Variants in HSD17B4 observed in about 807,000 individuals in gnomAD.
HSD17B4 encodes peroxisomal multifunctional enzyme type 2.
HSD17B4 carries 70 observed loss-of-function variants against 101.0 expected under a neutral mutation model. The observed-to-expected ratio is 0.69, with a 90% confidence interval of 0.57 to 0.85. The LOEUF (loss-of-function observed/expected upper bound fraction) is 0.85, where lower values mean the gene tolerates loss of function less well. Among genes scored for constraint, HSD17B4 ranks in the 40% least tolerant of loss-of-function variants. HSD17B4 has a pLI of 0.00. For missense variants in HSD17B4, 984 were observed against 892.4 expected (o/e 1.10, Z -1.31); for synonymous variants, 347 against 297.1 (o/e 1.17, Z -1.73).
chr5:119,514,529 C>A (rs1186642896), intron 16 of HSD17B4, among the ~76,000 whole-genome samples: 1 of 152,086 alleles, frequency 6.6e-6, no homozygotes, highest in Non-Finnish European at 1.5e-5. Context: ...ATTAAGGGAT[C>A]ATAATAATTC....
chr5:119,527,056 C>T (rs1753665095), intron 19 of HSD17B4, 77 bp from the exon 20 acceptor site: 1 of 831,704 alleles, frequency 1.2e-6, no homozygotes, highest in Non-Finnish European at 2.1e-6. Context: ...TCTCTAGTTT[C>T]CTTTCCAATT....
chr5:119,476,320 C>A, intron 6 of HSD17B4: 1 of 155,300 alleles, frequency 6.4e-6, no homozygotes. Flanking sequence ...AATTTTGAAG[C>A]TTCTAGTAAA....
chr5:119,478,703 A>G (rs1045376697), intron 7 of HSD17B4, 131 bp from the exon 8 acceptor site: 2 of 652,068 alleles, frequency 3.1e-6, no homozygotes, highest in Non-Finnish European at 5.5e-6. Flanking sequence ...TACATAAATC[A>G]TGATCGTAAG....
chr5:119,471,249 TA>T (rs1756334958), intron 2 of HSD17B4, among the ~76,000 whole-genome samples: 1 of 152,198 alleles, frequency 6.6e-6, no homozygotes, highest in Non-Finnish European at 1.5e-5. Flanking sequence ...TTGAGAATCC[TA>T]ACACTTTTTC....
chr5:119,455,147 T>C (rs1314802100), intron 1 of HSD17B4, among the ~76,000 whole-genome samples: 4 of 152,198 alleles, frequency 2.6e-5, no homozygotes, highest in Admixed American at 1.3e-4. Flanking sequence ...GCTAGCCACA[T>C]AGTTCTGTCC....
At position 119,479,073 on chromosome 5, in the gene HSD17B4, G is replaced by C. The variant is rs188352068; in HGVS notation, c.622+52G>C. 10 of 1,319,074 alleles carry C rather than the reference G, an allele frequency of 7.6e-6. No homozygotes were observed. In the Admixed American group the frequency reaches 1.7e-4, roughly 22 times the overall value. The allele number at this position is 1,319,074 out of a possible 1,614,324, so 81.7% of individuals were successfully genotyped here. ...GTGCTGTTACTTACAAACCTATGTG[G>C]AATGAGCTTTACAAAAGTATTTAAT... On this transcript the variant is annotated intron_variant, in intron 8 of 23. Transcript: ENST00000510025.
chr5:119,515,827 AT>A (rs1752565230), intron 17 of HSD17B4, among the ~76,000 whole-genome samples: 1 of 152,090 alleles, frequency 6.6e-6, no homozygotes, highest in South Asian at 2.1e-4. Context: ...TTTTGGTTGT[AT>A]TTTAGAAGAG....
At chr5:119,497,737 GTGA>G (rs1750776522) in intron 12 of HSD17B4, among the ~76,000 whole-genome samples, 1 of 152,140 alleles carries the variant, frequency 6.6e-6, no homozygotes, top group Admixed American at 6.5e-5. Context: ...TGCTAAATGA[GTGA>G]TGATAAAACT....
chr5:119,469,858 GTGTC>G (rs1459959652), intron 2 of HSD17B4, among the ~76,000 whole-genome samples: 2 of 152,186 alleles, frequency 1.3e-5, no homozygotes, highest in Non-Finnish European at 2.9e-5. Context: ...AACATCAACA[GTGTC>G]TGTATGTGCC....
chr5:119,523,280 A>G (rs1308772934), intron 17 of HSD17B4, among the ~76,000 whole-genome samples: 1 of 151,910 alleles, frequency 6.6e-6, no homozygotes, highest in Non-Finnish European at 1.5e-5. Context: ...CCTCCCACCT[A>G]CTTTTAATAT....
chr5:119,480,044 T>C (rs1748975872), intron 8 of HSD17B4, among the ~76,000 whole-genome samples: 2 of 152,194 alleles, frequency 1.3e-5, no homozygotes, highest in African/African-American at 2.4e-5. Flanking sequence ...CTAATAGATA[T>C]GTAGTGATAT....
chr5:119,459,695 C>T (rs886314292), intron 2 of HSD17B4, among the ~76,000 whole-genome samples: 1 of 152,140 alleles, frequency 6.6e-6, no homozygotes, highest in East Asian at 1.9e-4. Context: ...CGTCACAGGG[C>T]AAGAGGCTGA....
At chr5:119,496,403 A>G (rs1202160132) in intron 11 of HSD17B4, 140 bp from the exon 12 acceptor site, 2 of 647,826 alleles carry the variant, frequency 3.1e-6, no homozygotes, top group Admixed American at 2.6e-5. Context: ...CCTGACATAC[A>G]TTCAGTTCAT....
intron 16 of HSD17B4, among the ~76,000 whole-genome samples, chr5:119,511,913 A>G (rs753010814): frequency 6.6e-6 from 1 of 152,208 alleles, no homozygotes; most frequent in Admixed American, 6.5e-5. Context: ...GGCAACAGAA[A>G]CTGCCTTTGA....
In HSD17B4 at chr5:119,477,516, G is replaced by C. The variant is rs1485906648; in HGVS notation, c.434+15G>C. On this transcript the variant is annotated intron_variant, in intron 7 of 23. Coordinates refer to ENST00000510025, the MANE Select transcript of HSD17B4 (RefSeq NM_000414.4). Reference sequence around the variant, plus strand: ...AAGTATGGAAGGTAGAGTTGCATGTGGTTGTCAAGGGGGATTTAAGATGTT... The same window carrying C: ...AAGTATGGAAGGTAGAGTTGCATGTCGTTGTCAAGGGGGATTTAAGATGTT... 2 of 1,554,146 alleles carry C rather than the reference G, an allele frequency of 1.3e-6. No homozygotes were observed. Among genetic ancestry groups the C allele is most frequent in the African/African-American group, 2.7e-5 (2 of 73,502 alleles).
intron 2 of HSD17B4, among the ~76,000 whole-genome samples, chr5:119,463,086 T>A (rs1441491165): frequency 6.6e-6 from 1 of 152,226 alleles, no homozygotes; most frequent in African/African-American, 2.4e-5. Flanking sequence ...AGCTTCCACA[T>A]ATGAGTGAAA....
chr5:119,493,971 C>G, intron 11 of HSD17B4, 25 bp downstream of exon 11: 1 of 1,611,828 alleles, frequency 6.2e-7, no homozygotes. Flanking sequence ...CGTCACTTAG[C>G]CCTGGTTGGG....
At chr5:119,512,106 C>G (rs1353855857) in intron 16 of HSD17B4, among the ~76,000 whole-genome samples, 1 of 151,478 alleles carries the variant, frequency 6.6e-6, no homozygotes, top group South Asian at 2.1e-4. Context: ...GTAGATTTGA[C>G]AAAAGAAAGA....
intron 12 of HSD17B4, among the ~76,000 whole-genome samples, chr5:119,497,580 G>GT (rs1366895652): frequency 1.2e-4 from 18 of 152,206 alleles, no homozygotes; most frequent in Admixed American, 1.0e-3. Context: ...TCTTTGTTGT[G>GT]TTTTTTACCC....
Sources: allele counts gnomAD v4.1 joint callset (sites outside exome capture counted in the v4.1 genomes callset), GRCh38; gene constraint gnomAD v4.1.1; transcripts MANE v1.5; gene names NCBI Gene and HGNC (gene_info 2026-07-23, HGNC 2026-07-21).